LRRFIP1: variants seen among roughly 807,000 people sequenced by gnomAD.
LRRFIP1 encodes leucine-rich repeat flightless-interacting protein 1.
Under a neutral mutation model 104.4 loss-of-function variants are expected in LRRFIP1, and 62 were observed. The observed-to-expected ratio is 0.59, with a 90% CI of 0.48 to 0.73. LRRFIP1 has a LOEUF of 0.73. Among genes scored for constraint, LRRFIP1 ranks in the 30% least tolerant of loss-of-function variants. The pLI is 0.00. For missense variants in LRRFIP1, 796 were observed against 824.5 expected (o/e 0.97, Z 0.42); for synonymous variants, 300 against 299.0 (o/e 1.00, Z -0.03).
chr2:237,770,838 A>T (rs373115613), intron 20 of LRRFIP1: 1 of 152,226 alleles, frequency 6.6e-6, no homozygotes, highest in East Asian at 1.9e-4. Context: ...ATCTTTTTAT[A>T]TGCAGGATAG....
rs931564207 is a variant in LRRFIP1, at chr2:237,752,465, G to T, written c.868-844G>T. Among the ~76,000 whole-genome samples, 4 of 152,216 alleles carry T rather than the reference G, an allele frequency of 2.6e-5. No homozygotes were observed. The South Asian group carries it at 8.3e-4, about 32-fold the overall frequency. ...CCAACCGGAGACCCGCTGGTCCCAC[G>T]TGAAGCAGCTGTCCTGGTGTGGAGG... On this transcript the variant is annotated intron_variant, in intron 14 of 23. Coordinates refer to ENST00000308482, the MANE Select transcript of LRRFIP1 (RefSeq NM_001137550.2).
chr2:237,732,763 T>C (rs1254076700), intron 8 of LRRFIP1, among the ~76,000 whole-genome samples: 1 of 152,218 alleles, frequency 6.6e-6, no homozygotes, highest in Non-Finnish European at 1.5e-5. Context: ...TTTAAAAATA[T>C]TTTTTCTCTT....
intron 23 of LRRFIP1, among the ~76,000 whole-genome samples, chr2:237,778,092 G>A (rs937835892): frequency 1.1e-4 from 17 of 152,114 alleles, no homozygotes; most frequent in African/African-American, 4.1e-4. Flanking sequence ...CAGTCTTTGG[G>A]GGTCTAATTC....
At position 237,779,734 on chromosome 2, in the gene LRRFIP1, C is replaced by A; in HGVS notation, c.*202C>A. ...ACCAGGTGCCTCTGTCTGCAGACCC[C>A]TGGCCCGGGCTGGCGCCGACGCTCA... On this transcript the variant is annotated 3_prime_UTR_variant, in exon 24 of 24. Transcript: ENST00000308482. 4.2e-6 allele frequency: 2 copies of A among 481,922 alleles called. No homozygotes were observed. Among genetic ancestry groups the A allele is most frequent in the Admixed American group, 3.4e-5 (1 of 29,736 alleles). 29.9% of individuals were successfully genotyped at this position (481,922 alleles called of 1,614,324 possible). A position where few individuals can be genotyped will look rare whatever the true frequency, so the allele number is the denominator to read the frequency against.
chr2:237,674,945 A>G (rs1284783859), intron 1 of LRRFIP1, among the ~76,000 whole-genome samples: 6 of 152,206 alleles, frequency 3.9e-5, no homozygotes, highest in Admixed American at 6.5e-5. Flanking sequence ...GCTGTGCCCT[A>G]TCGGGCCCTG....
intron 18 of LRRFIP1, 130 bp downstream of exon 18, chr2:237,758,951 C>A: frequency 1.7e-6 from 1 of 588,674 alleles, no homozygotes; most frequent in Non-Finnish European, 2.9e-6. Context: ...GTTAATAATT[C>A]ATATATTGGG....
intron 23 of LRRFIP1, among the ~76,000 whole-genome samples, chr2:237,775,095 C>T (rs2060967096): frequency 6.6e-6 from 1 of 152,256 alleles, no homozygotes; most frequent in Non-Finnish European, 1.5e-5. Flanking sequence ...ACAGGAGTCT[C>T]CGCCTCCATA....
intron 2 of LRRFIP1, 119 bp downstream of exon 2, chr2:237,708,749 A>G: frequency 8.5e-7 from 1 of 1,170,734 alleles, no homozygotes; most frequent in East Asian, 2.6e-5. Context: ...GCTCACGGTC[A>G]GAGTGCGTTT....
At chr2:237,718,797 A>G (rs188923718) in intron 4 of LRRFIP1, among the ~76,000 whole-genome samples, 14 of 152,370 alleles carry the variant, frequency 9.2e-5, no homozygotes, top group African/African-American at 2.9e-4. Flanking sequence ...TATACAGAGC[A>G]CACACTTACT....
At chr2:237,746,906 A>G (rs898822785) in intron 11 of LRRFIP1, among the ~76,000 whole-genome samples, 5 of 152,240 alleles carry the variant, frequency 3.3e-5, no homozygotes, top group African/African-American at 1.2e-4. Flanking sequence ...CTTATTTAGC[A>G]AAGAGGGGAG....
chr2:237,699,200 TATC>T (rs942099965), intron 1 of LRRFIP1, among the ~76,000 whole-genome samples: 2 of 152,216 alleles, frequency 1.3e-5, no homozygotes, highest in African/African-American at 4.8e-5. Flanking sequence ...CAAAGCCAAG[TATC>T]ATCATCTTCC....
At position 237,763,172 on chromosome 2, in the gene LRRFIP1, G is replaced by T. The variant is rs778287673; in HGVS notation, c.1459+2967G>T. On this transcript the variant is annotated intron_variant, in intron 19 of 23. Coordinates refer to ENST00000308482, the MANE Select transcript of LRRFIP1 (RefSeq NM_001137550.2). Reference sequence around the variant, plus strand: ...CCAGGAAGCAGCTGAGCCCAAGGAGGTTCCAGCGCACAGTACAGAAGTAGG... The same window carrying T: ...CCAGGAAGCAGCTGAGCCCAAGGAGTTTCCAGCGCACAGTACAGAAGTAGG... 3.1e-6 allele frequency: 5 copies of T among 1,614,056 alleles called. No homozygotes were observed. Among genetic ancestry groups the T allele is most frequent in the African/African-American group, 1.3e-5 (1 of 74,920 alleles).
intron 1 of LRRFIP1, among the ~76,000 whole-genome samples, chr2:237,637,930 G>A (rs922831449): frequency 7.2e-5 from 11 of 152,134 alleles, no homozygotes; most frequent in Admixed American, 2.0e-4. Context: ...GACACTCATC[G>A]TGGTTTCCAT....
chr2:237,681,410 A>C (rs1250324107), intron 1 of LRRFIP1, among the ~76,000 whole-genome samples: 1 of 152,020 alleles, frequency 6.6e-6, no homozygotes, highest in Non-Finnish European at 1.5e-5. Context: ...TCTGTGACCC[A>C]GGCTGGAGTA....
chr2:237,640,401 G>A (rs915383655), intron 1 of LRRFIP1, among the ~76,000 whole-genome samples: 1 of 151,930 alleles, frequency 6.6e-6, no homozygotes, highest in African/African-American at 2.4e-5. Flanking sequence ...TCTAGGTGCC[G>A]GCACATTCAG....
Position 237,676,292 on chromosome 2 carries a change from ATGC to A in LRRFIP1, c.97-32251_97-32249del, listed in dbSNP as rs2091149855. On this transcript the variant is annotated intron_variant, in intron 1 of 23. Transcript: ENST00000308482. ...ACATAGTTTAAATGTACATACTTTA[ATGC>A]AAGCAGTATTGCATGACACCAGCCT... Among the ~76,000 whole-genome samples, 38 of 152,346 alleles carry A rather than the reference ATGC, an allele frequency of 2.5e-4. No individual in the cohort carries two copies. In the South Asian group the frequency reaches 7.5e-3, roughly 30 times the overall value.
chr2:237,758,319 A>C (rs1176995560), intron 17 of LRRFIP1, among the ~76,000 whole-genome samples: 1 of 152,156 alleles, frequency 6.6e-6, no homozygotes, highest in Non-Finnish European at 1.5e-5. Context: ...GTATAAAAAT[A>C]GTCTAAATGG....
At chr2:237,662,521 C>T (rs1394711893) in intron 1 of LRRFIP1, among the ~76,000 whole-genome samples, 2 of 151,874 alleles carry the variant, frequency 1.3e-5, no homozygotes, top group Non-Finnish European at 2.9e-5. Flanking sequence ...TTTTTCAGGT[C>T]CAATGTCTGA....
intron 1 of LRRFIP1, among the ~76,000 whole-genome samples, chr2:237,674,795 C>T (rs946266005): frequency 6.6e-6 from 1 of 152,250 alleles, no homozygotes; most frequent in Admixed American, 6.5e-5. Flanking sequence ...CCGTCACTTT[C>T]GGGTTGTTGC....
Sources: allele counts gnomAD v4.1 joint callset (sites outside exome capture counted in the v4.1 genomes callset), GRCh38; gene constraint gnomAD v4.1.1; transcripts MANE v1.5; gene names NCBI Gene and HGNC (gene_info 2026-07-23, HGNC 2026-07-21).